SPAG1: variants seen among roughly 807,000 people sequenced by gnomAD.
SPAG1 encodes sperm-associated antigen 1.
A neutral mutation model predicts 100.5 loss-of-function variants in SPAG1; 69 were observed. That is an observed-to-expected ratio of 0.69 (90% CI 0.57 to 0.84). The LOEUF is 0.84. Ranked by LOEUF, SPAG1 falls within the 40% of genes least tolerant of loss-of-function variation. The pLI, the probability that SPAG1 is intolerant of heterozygous loss-of-function variation, is 0.00. For missense variants in SPAG1, 955 were observed against 1,133.1 expected (o/e 0.84, Z 2.26); for synonymous variants, 336 against 411.6 (o/e 0.82, Z 2.22).
At chr8:100,201,298 A>AT (rs1440251206) in intron 10 of SPAG1, among the ~76,000 whole-genome samples, 1 of 151,258 alleles carries the variant, frequency 6.6e-6, no homozygotes, top group Admixed American at 6.6e-5. Context: ...TTTCATTTTT[A>AT]TTTTTTGTAG....
chr8:100,194,642 G>A, intron 10 of SPAG1: 2 of 394,086 alleles, frequency 5.1e-6, no homozygotes, highest in Non-Finnish European at 8.9e-6. Context: ...ACAGGTATGG[G>A]TAGCCCCATT....
chr8:100,206,489 G>A (rs1206769134), intron 10 of SPAG1, among the ~76,000 whole-genome samples: 3 of 152,194 alleles, frequency 2.0e-5, no homozygotes, highest in Admixed American at 6.5e-5. Flanking sequence ...TGGACCTAGC[G>A]AGCAAGAAGT....
At position 100,218,082 on chromosome 8, in the gene SPAG1, G is replaced by A. The variant is rs371158949; in HGVS notation, c.1536-2197G>A. On this transcript the variant is annotated intron_variant, in intron 12 of 18. Transcript: ENST00000388798. The stretch of plus-strand genomic sequence containing the variant: ...GGATTACATACAGGCTTGAGCCACC[G>A]TGCCTGGCCAGTTCTCTGCTTTTTC... 7.2e-5 allele frequency among the ~76,000 whole-genome samples: 11 copies of A among 152,254 alleles called. No individual in the cohort carries two copies. In the East Asian group the frequency reaches 9.6e-4, roughly 13 times the overall value.
intron 14 of SPAG1, among the ~76,000 whole-genome samples, chr8:100,226,836 G>A (rs1441559998): frequency 6.6e-6 from 1 of 152,122 alleles, no homozygotes; most frequent in East Asian, 1.9e-4. Context: ...TGCTCATAAT[G>A]GTATTTCAAT....
chr8:100,194,460 C>G (rs1402844348), intron 10 of SPAG1, 192 bp downstream of exon 10: 22 of 722,496 alleles, frequency 3.0e-5, no homozygotes, highest in Non-Finnish European at 2.5e-5. Flanking sequence ...CATTTTCCTT[C>G]TTAACCTGTC....
chr8:100,186,663 C>G (rs949205803), intron 7 of SPAG1, among the ~76,000 whole-genome samples: 1 of 151,960 alleles, frequency 6.6e-6, no homozygotes, highest in Non-Finnish European at 1.5e-5. Context: ...CTAAGGTTGC[C>G]GTAACAAAGT....
In SPAG1 at chr8:100,213,355, G is replaced by C; in HGVS notation, c.1362G>C (p.Glu454Asp). 1 of 1,426,440 alleles carries C rather than the reference G, an allele frequency of 7.0e-7. No homozygotes were observed. The highest frequency in any genetic ancestry group is 9.2e-7 in the Non-Finnish European group (1 of 1,086,048). The allele number at this position is 1,426,440 out of a possible 1,614,324, so 88.4% of individuals were successfully genotyped here. Residue 454 changes from glutamate (E) to aspartate (D), a missense_variant, in exon 11 of 19, where the codon GAG becomes GAC. Coordinates refer to ENST00000388798, the MANE Select transcript of SPAG1 (RefSeq NM_003114.5). ...NPAGLKSQGN[E>D]LFRSGQFAEA... ...CCGGCCTGAAGAGCCAGGGCAACGA[G>C]CTGTTCCGAAGCGGGCAGTTCGCCG...
At chr8:100,230,543 G>T (rs1239630328) in intron 14 of SPAG1, among the ~76,000 whole-genome samples, 2 of 152,182 alleles carry the variant, frequency 1.3e-5, no homozygotes, top group African/African-American at 2.4e-5. Flanking sequence ...GGTGGTTCTG[G>T]CCTCTGTTAC....
intron 4 of SPAG1, among the ~76,000 whole-genome samples, chr8:100,182,361 TC>T (rs928035128): frequency 6.6e-6 from 1 of 152,216 alleles, no homozygotes; most frequent in African/African-American, 2.4e-5. Context: ...AATCAGTCCT[TC>T]CTTGGAATTT....
intron 12 of SPAG1, among the ~76,000 whole-genome samples, chr8:100,217,095 C>G (rs969996759): frequency 2.6e-5 from 4 of 151,904 alleles, no homozygotes; most frequent in Non-Finnish European, 5.9e-5. Flanking sequence ...CACCACCGCA[C>G]CTGGCTAATT....
intron 4 of SPAG1, among the ~76,000 whole-genome samples, chr8:100,178,872 G>A (rs1316318213): frequency 6.6e-6 from 1 of 151,938 alleles, no homozygotes; most frequent in Non-Finnish European, 1.5e-5. Context: ...TGAGGTGGAT[G>A]GATTGAGGCC....
intron 3 of SPAG1, among the ~76,000 whole-genome samples, chr8:100,173,601 C>T (rs1815977555): frequency 6.6e-6 from 1 of 152,134 alleles, no homozygotes; most frequent in African/African-American, 2.4e-5. Context: ...TAATAAATCT[C>T]TTACTCAATT....
At chr8:100,203,329 A>G (rs2439464) in intron 10 of SPAG1, among the ~76,000 whole-genome samples, 50,195 of 151,592 alleles carry the variant, frequency 0.33, 8,857 homozygotes, top group East Asian at 0.51. Flanking sequence ...GAATAAGCTT[A>G]TATATATATA....
intron 3 of SPAG1, among the ~76,000 whole-genome samples, chr8:100,176,373 C>CTT (rs1478397545): frequency 1.5e-5 from 2 of 137,630 alleles, no homozygotes; most frequent in Admixed American, 1.4e-4. Context: ...TTCTTTCTTT[C>CTT]TTTTTTTTTT....
chr8:100,188,176 G>C (rs1231903504), intron 8 of SPAG1, among the ~76,000 whole-genome samples: 1 of 151,194 alleles, frequency 6.6e-6, no homozygotes, highest in East Asian at 1.9e-4. Context: ...TTTTGAGATA[G>C]GGTCTCACTC....
At position 100,187,138 on chromosome 8, in the gene SPAG1, C is replaced by T. The variant is rs781558490; in HGVS notation, c.720C>T (p.Pro240=). The T allele has an allele frequency of 1.9e-6, 3 of 1,611,270 alleles. No individual in the cohort carries two copies. Among genetic ancestry groups the T allele is most frequent in the Non-Finnish European group, 2.5e-6 (3 of 1,178,522 alleles). The change falls in exon 8 of 19, where the codon CCC becomes CCT. Residue 240 remains proline, a synonymous_variant. Coordinates refer to ENST00000388798, the MANE Select transcript of SPAG1 (RefSeq NM_003114.5). The stretch of plus-strand genomic sequence containing the variant: ...TTTCTAGGAGCATATCAGCGCTTCC[C>T]ACTGTAGTTGCCTATAACAATCGAG... ...MYYTRSISAL[P]TVVAYNNRAQ... is the part of the protein sequence containing the mutation.
chr8:100,184,797 A>C, intron 7 of SPAG1, 64 bp downstream of exon 7: 1 of 905,146 alleles, frequency 1.1e-6, no homozygotes, highest in Non-Finnish European at 1.7e-6. Flanking sequence ...TTAATTGTTG[A>C]AACAATATAA....
intron 10 of SPAG1, among the ~76,000 whole-genome samples, chr8:100,209,836 T>C (rs899798836): frequency 1.3e-5 from 2 of 152,092 alleles, no homozygotes; most frequent in Non-Finnish European, 2.9e-5. Flanking sequence ...GTTGATCTTA[T>C]ACCCTACAAC....
rs927027909 is a variant in SPAG1 at position 100,218,081 on chromosome 8, C to A, written c.1536-2198C>A. ...GGGATTACATACAGGCTTGAGCCAC[C>A]GTGCCTGGCCAGTTCTCTGCTTTTT... On this transcript the variant is annotated intron_variant, in intron 12 of 18. Transcript: ENST00000388798. 6.6e-5 allele frequency among the ~76,000 whole-genome samples: 10 copies of A among 152,274 alleles called. No individual in the cohort carries two copies. The South Asian group carries it at 1.0e-3, about 16-fold the overall frequency.
Sources: gnomAD v4.1 joint callset for allele counts (sites outside exome capture counted in the v4.1 genomes callset) on GRCh38, gnomAD v4.1.1 for gene constraint, MANE v1.5 for transcripts, NCBI Gene and HGNC (gene_info 2026-07-23, HGNC 2026-07-21) for gene names.